Variants in RNGTT observed in about 807,000 individuals in gnomAD.
RNGTT encodes RNA guanylyltransferase and 5'-phosphatase, also known as mRNA-capping enzyme.
In RNGTT, 33 loss-of-function variants were observed where a neutral mutation model predicts 79.3. That is an observed-to-expected ratio of 0.42 (90% CI 0.32 to 0.56). RNGTT has a LOEUF of 0.56. Ranked by LOEUF, RNGTT falls within the 20% of genes least tolerant of loss-of-function variation. The probability of loss-of-function intolerance (pLI) is 0.17; values close to 1 mark genes in which losing one functional copy is unlikely to be tolerated. For missense variants in RNGTT, 497 were observed against 739.1 expected (o/e 0.67, Z 3.80); for synonymous variants, 222 against 235.9 (o/e 0.94, Z 0.54).
At chr6:88,791,548 A>AT (rs200293696) in intron 12 of RNGTT, among the ~76,000 whole-genome samples, 4,198 of 151,140 alleles carry the variant, frequency 0.028, 192 homozygotes, top group African/African-American at 0.096. Flanking sequence ...TTATTTATTT[A>AT]TTTTTTTTTG....
intron 11 of RNGTT, among the ~76,000 whole-genome samples, chr6:88,807,188 C>G (rs1354745319): frequency 6.6e-6 from 1 of 152,138 alleles, no homozygotes; most frequent in Non-Finnish European, 1.5e-5. Context: ...ACCACCATAG[C>G]ATGTGTTTAC....
At position 88,923,427 on chromosome 6, in the gene RNGTT, C is replaced by T. The variant is rs573878319; in HGVS notation, c.367+5558G>A. Among the ~76,000 whole-genome samples the T allele has an allele frequency of 2.6e-5, 4 of 152,272 alleles. No homozygotes were observed. In the East Asian group the frequency reaches 7.7e-4, roughly 29 times the overall value. On this transcript the variant is annotated intron_variant, in intron 4 of 15. Coordinates refer to ENST00000369485, the MANE Select transcript of RNGTT (RefSeq NM_003800.5). ...CCACCATGTTCTCTCTCCACATAGC[C>T]CTCTGTAGAGACTATACCAATTAAC...
At chr6:88,922,820 C>T (rs1199871029) in intron 4 of RNGTT, among the ~76,000 whole-genome samples, 1 of 152,172 alleles carries the variant, frequency 6.6e-6, no homozygotes, top group Non-Finnish European at 1.5e-5. Flanking sequence ...TGTTTCAAAC[C>T]AGGATCCAAC....
chr6:88,689,136 T>A (rs1395914931), intron 13 of RNGTT, among the ~76,000 whole-genome samples: 1 of 152,134 alleles, frequency 6.6e-6, no homozygotes, highest in African/African-American at 2.4e-5. Flanking sequence ...ATGGGTCATC[T>A]TTATTCTTAA....
At chr6:88,932,540 C>T (rs144676673) in intron 2 of RNGTT, among the ~76,000 whole-genome samples, 1 of 152,144 alleles carries the variant, frequency 6.6e-6, no homozygotes, top group Non-Finnish European at 1.5e-5. Flanking sequence ...AACCTGCTGA[C>T]ATGTGTCTCC....
In RNGTT at chr6:88,853,757, T is replaced by A. The variant is rs1562286557; in HGVS notation, c.904A>T (p.Met302Leu). 6.5e-7 allele frequency: 1 copy of A among 1,540,432 alleles called. No homozygotes were observed. The stretch of plus-strand genomic sequence containing the variant: ...ACTTCATTTGTGCCATCAATCAACA[T>A]CATGTACCTGTAAATGAAACATTAA... ...SWKADGTRYM[M>L]LIDGTNEVFM... is the part of the protein sequence containing the mutation. The change falls in exon 9 of 16, where the codon ATG (methionine) becomes TTG (leucine). Residue 302 changes from methionine (M) to leucine (L), a missense_variant. Met to Leu is a conservative substitution (Grantham distance 15). This residue lies in a region of RNGTT where 440 missense variants were observed against 671.5 expected (regional missense o/e 0.66). Coordinates refer to ENST00000369485, the MANE Select transcript of RNGTT (RefSeq NM_003800.5).
chr6:88,857,423 A>T (rs1199478312), intron 8 of RNGTT, among the ~76,000 whole-genome samples: 1 of 152,130 alleles, frequency 6.6e-6, no homozygotes, highest in Non-Finnish European at 1.5e-5. Flanking sequence ...TCCTTCTCAC[A>T]GCTTAAGTAT....
chr6:88,897,900 C>T (rs1783307391), intron 6 of RNGTT, among the ~76,000 whole-genome samples: 1 of 152,114 alleles, frequency 6.6e-6, no homozygotes, highest in Non-Finnish European at 1.5e-5. Flanking sequence ...TAATGAGCTT[C>T]CATGGACAGA....
intron 7 of RNGTT, among the ~76,000 whole-genome samples, chr6:88,891,193 T>C (rs1401782753): frequency 6.6e-6 from 1 of 152,210 alleles, no homozygotes; most frequent in Non-Finnish European, 1.5e-5. Context: ...ATTTATCTAG[T>C]ATTTATGTAA....
chr6:88,731,464 T>C (rs996920469), intron 13 of RNGTT, among the ~76,000 whole-genome samples: 1 of 152,126 alleles, frequency 6.6e-6, no homozygotes, highest in Admixed American at 6.5e-5. Context: ...AATGAGATAG[T>C]GATTTTAAAG....
intron 11 of RNGTT, among the ~76,000 whole-genome samples, chr6:88,840,386 T>G (rs1781235848): frequency 6.6e-6 from 1 of 152,120 alleles, no homozygotes; most frequent in Non-Finnish European, 1.5e-5. Context: ...TTCTAAAAAT[T>G]AGAATTGCTT....
intron 13 of RNGTT, among the ~76,000 whole-genome samples, chr6:88,729,072 G>T (rs7753081): frequency 0.13 from 19,775 of 152,096 alleles, 1,454 homozygotes; most frequent in Middle Eastern, 0.23. Flanking sequence ...TGCCAAGCTC[G>T]CTCTCTGCTA....
intron 14 of RNGTT, among the ~76,000 whole-genome samples, chr6:88,662,560 C>T (rs894915482): frequency 4.6e-5 from 7 of 152,170 alleles, no homozygotes; most frequent in African/African-American, 1.2e-4. Flanking sequence ...AACCAGTGTC[C>T]GAGAGGTTTT....
At chr6:88,644,852 T>C (rs142276851) in intron 14 of RNGTT, among the ~76,000 whole-genome samples, 19 of 152,306 alleles carry the variant, frequency 1.2e-4, no homozygotes, top group African/African-American at 4.1e-4. Flanking sequence ...GGGGCGTATC[T>C]CAAAACAATA....
At chr6:88,815,802 A>T (rs1267499232) in intron 11 of RNGTT, among the ~76,000 whole-genome samples, 1 of 152,196 alleles carries the variant, frequency 6.6e-6, no homozygotes, top group African/African-American at 2.4e-5. Context: ...ATAGACATTG[A>T]TGTCTCCGGA....
chr6:88,884,654 TCAA>T (rs1232638875), intron 8 of RNGTT, among the ~76,000 whole-genome samples: 5 of 151,918 alleles, frequency 3.3e-5, no homozygotes, highest in Non-Finnish European at 7.4e-5. Flanking sequence ...AAAATTAAAA[TCAA>T]CAAAGGATGA....
intron 12 of RNGTT, among the ~76,000 whole-genome samples, chr6:88,772,299 C>T (rs1441652595): frequency 6.6e-6 from 1 of 151,102 alleles, no homozygotes; most frequent in Non-Finnish European, 1.5e-5. Flanking sequence ...GATGGAAAGA[C>T]ATCATATGTT....
chr6:88,822,589 A>G (rs746175019), intron 11 of RNGTT, among the ~76,000 whole-genome samples: 2 of 152,236 alleles, frequency 1.3e-5, no homozygotes, highest in South Asian at 2.1e-4. Context: ...TTCATTTTAC[A>G]TAATAAAAAC....
chr6:88,839,235 G>A (rs1000256387), intron 11 of RNGTT, among the ~76,000 whole-genome samples: 1 of 151,376 alleles, frequency 6.6e-6, no homozygotes, highest in African/African-American at 2.4e-5. Context: ...ATACTGTCAA[G>A]TTTTTTTTAA....
Sources: allele counts gnomAD v4.1 joint callset (sites outside exome capture counted in the v4.1 genomes callset), GRCh38; gene constraint gnomAD v4.1.1; regional missense constraint gnomAD v4.1.1; transcripts MANE v1.5; gene names NCBI Gene and HGNC (gene_info 2026-07-23, HGNC 2026-07-21).